ZNF682: variants seen among roughly 807,000 people sequenced by gnomAD.
ZNF682 encodes the protein zinc finger protein 682.
ZNF682 carries 29 observed loss-of-function variants against 36.5 expected under a neutral mutation model. The observed-to-expected ratio is 0.80, with a 90% CI of 0.59 to 1.08. ZNF682 has a LOEUF of 1.08. Among genes scored for constraint, ZNF682 ranks in the 50% least tolerant of loss-of-function variants. The probability of loss-of-function intolerance (pLI) is 0.00; values close to 1 mark genes in which losing one functional copy is unlikely to be tolerated. For synonymous variants in ZNF682, 180 were observed against 197.0 expected, an observed-to-expected ratio of 0.91 and a Z score of 0.72; for missense variants, 561 against 579.7, an observed-to-expected ratio of 0.97 and a Z score of 0.33.
chr19:20,011,911 C>T (rs2088291451), intron 3 of ZNF682, among the ~76,000 whole-genome samples: 1 of 152,032 alleles, frequency 6.6e-6, no homozygotes, highest in Non-Finnish European at 1.5e-5. Context: ...GTGGCAGGCG[C>T]CTGTAATCCT....
At chr19:20,033,980 G>C (rs1250319646) in intron 1 of ZNF682, 1 of 156,374 alleles carries the variant, frequency 6.4e-6, no homozygotes, top group Non-Finnish European at 1.5e-5. Context: ...CAGACACAAG[G>C]AACCAACAGA....
Position 20,006,209 on chromosome 19 carries a change from T to C in ZNF682, c.1293A>G (p.Gly431=). ...GGTGTGAGCACCGATTAAAGGCTTTTCCACATTCTTCACAGTTGTAGGGTT... is the reference window on the plus strand; with the variant it reads ...GGTGTGAGCACCGATTAAAGGCTTTCCCACATTCTTCACAGTTGTAGGGTT... ...GEKPYNCEEC[G]KAFNRCSHLT... Residue 431 remains glycine, a synonymous_variant, in exon 4 of 4, where the codon GGA becomes GGG. Coordinates refer to ENST00000397165, the MANE Select transcript of ZNF682 (RefSeq NM_033196.3). 1.2e-6 allele frequency: 2 copies of C among 1,613,748 alleles called. No homozygotes were observed. The highest frequency in any genetic ancestry group is 1.7e-4 in the Middle Eastern group (1 of 6,060).
intron 3 of ZNF682, among the ~76,000 whole-genome samples, chr19:20,010,970 A>C (rs1441147644): frequency 6.6e-6 from 1 of 152,010 alleles, no homozygotes; most frequent in Non-Finnish European, 1.5e-5. Flanking sequence ...TCAAAAAAGA[A>C]AAAAAAATTT....
At chr19:20,018,319 C>T (rs957497530) in intron 3 of ZNF682, among the ~76,000 whole-genome samples, 1 of 151,910 alleles carries the variant, frequency 6.6e-6, no homozygotes. Flanking sequence ...TGGTCTCGAT[C>T]TCCTGACCTC....
At chr19:20,019,104 C>T (rs774047721) in intron 3 of ZNF682, among the ~76,000 whole-genome samples, 14 of 152,050 alleles carry the variant, frequency 9.2e-5, no homozygotes, top group South Asian at 2.1e-4. Context: ...GACATCTCTC[C>T]GAAGAAGTTA....
At position 20,039,481 on chromosome 19, in the gene ZNF682, G is replaced by T; in HGVS notation, c.-136C>A. The T allele has an allele frequency of 3.3e-6, 4 of 1,229,128 alleles. No homozygotes were observed. Among genetic ancestry groups the T allele is most frequent in the Non-Finnish European group, 4.5e-6 (4 of 888,276 alleles). 76.1% of individuals were successfully genotyped at this position (1,229,128 alleles called of 1,614,324 possible). The stretch of plus-strand genomic sequence containing the variant: ...ACTAAGCAATGAAGATGGACCCTGA[G>T]CTCTGGCTGGAGCGAGACAAAGGCC... On this transcript the variant is annotated 5_prime_UTR_variant, in exon 1 of 4. Transcript: ENST00000397165.
chr19:20,038,705 C>A (rs528363436), intron 1 of ZNF682, among the ~76,000 whole-genome samples: 1 of 151,930 alleles, frequency 6.6e-6, no homozygotes, highest in South Asian at 2.1e-4. Context: ...TAAGCAACCA[C>A]AAACCTTCAA....
chr19:19,996,319 A>G (rs762514597), downstream of ZNF682, among the ~76,000 whole-genome samples: 10 of 152,256 alleles, frequency 6.6e-5, no homozygotes, highest in Non-Finnish European at 8.8e-5. Flanking sequence ...TGTTCCAGCA[A>G]TCTCAGTAAT....
chr19:20,000,936 G>A (rs2088164343), downstream of ZNF682, among the ~76,000 whole-genome samples: 1 of 152,202 alleles, frequency 6.6e-6, no homozygotes, highest in Non-Finnish European at 1.5e-5. Context: ...GCTGTGGTGA[G>A]AGCAGGCACC....
intron 2 of ZNF682, 78 bp downstream of exon 2, chr19:20,024,172 C>T: frequency 1.3e-6 from 2 of 1,546,366 alleles, no homozygotes; most frequent in African/African-American, 2.7e-5. Context: ...AAGCAGAAAT[C>T]CCCACCAAAC....
chr19:20,000,966 G>A (rs1235965547), downstream of ZNF682, among the ~76,000 whole-genome samples: 1 of 152,160 alleles, frequency 6.6e-6, no homozygotes, highest in East Asian at 1.9e-4. Context: ...CTATAGCTAG[G>A]AACCTGAGAA....
intron 3 of ZNF682, among the ~76,000 whole-genome samples, chr19:20,008,777 C>A (rs993725182): frequency 2.0e-5 from 3 of 152,122 alleles, no homozygotes; most frequent in African/African-American, 7.2e-5. Flanking sequence ...AGAAAATAAT[C>A]TCTCACACAC....
chr19:19,996,369 A>G (rs138581613), downstream of ZNF682, among the ~76,000 whole-genome samples: 99 of 152,346 alleles, frequency 6.5e-4, no homozygotes, highest in African/African-American at 2.0e-3. Context: ...TATATGAAAA[A>G]GACACTTGCA....
Position 20,005,955 on chromosome 19 carries a change from G to T in ZNF682, c.*50C>A. 1 of 1,501,634 alleles carries T rather than the reference G, an allele frequency of 6.7e-7. No individual in the cohort carries two copies. The highest frequency in any genetic ancestry group is 9.0e-7 in the Non-Finnish European group (1 of 1,115,780). The allele number at this position is 1,501,634 out of a possible 1,614,324, so 93.0% of individuals were successfully genotyped here. ...TTCAATGCCTTGAGCAAGATTTATGGAATTTGCCACATTCTTTACATTTGT... is the reference window on the plus strand; with the variant it reads ...TTCAATGCCTTGAGCAAGATTTATGTAATTTGCCACATTCTTTACATTTGT... On this transcript the variant is annotated 3_prime_UTR_variant, in exon 4 of 4. Transcript: ENST00000397165.
At chr19:20,020,985 A>G (rs964692877) in intron 3 of ZNF682, among the ~76,000 whole-genome samples, 1 of 152,184 alleles carries the variant, frequency 6.6e-6, no homozygotes, top group African/African-American at 2.4e-5. Context: ...GATCTAATGC[A>G]TAGCATCATG....
chr19:20,016,409 T>C (rs1320186548), intron 3 of ZNF682, among the ~76,000 whole-genome samples: 5 of 152,076 alleles, frequency 3.3e-5, no homozygotes, highest in Non-Finnish European at 7.4e-5. Flanking sequence ...TTTAAACATG[T>C]TCAATGAGCA....
intron 1 of ZNF682, among the ~76,000 whole-genome samples, chr19:20,037,318 A>G (rs1331405613): frequency 6.6e-6 from 1 of 152,206 alleles, no homozygotes; most frequent in Non-Finnish European, 1.5e-5. Flanking sequence ...ATTGTGTCCC[A>G]GGAGAGGCTA....
In ZNF682 at chr19:20,016,067, T is replaced by C. The variant is rs1438895479; in HGVS notation, c.226+6937A>G. On this transcript the variant is annotated intron_variant, in intron 3 of 3. Coordinates refer to ENST00000397165, the MANE Select transcript of ZNF682 (RefSeq NM_033196.3). Reference sequence around the variant, plus strand: ...GGCTCAAGCCTGTAACCCTAGCACTTTGGGAAGCTGAGGCGGGTGGATCGC... The same window carrying C: ...GGCTCAAGCCTGTAACCCTAGCACTCTGGGAAGCTGAGGCGGGTGGATCGC... Among the ~76,000 whole-genome samples, 6 of 152,216 alleles carry C rather than the reference T, an allele frequency of 3.9e-5. No individual in the cohort carries two copies. The South Asian group carries it at 8.3e-4, about 21-fold the overall frequency.
intron 3 of ZNF682, among the ~76,000 whole-genome samples, chr19:20,008,982 C>T (rs1441155347): frequency 6.6e-6 from 1 of 152,062 alleles, no homozygotes; most frequent in Non-Finnish European, 1.5e-5. Context: ...ACTGATTATA[C>T]ACAACATACA....
Sources: gnomAD v4.1 joint callset for allele counts (sites outside exome capture counted in the v4.1 genomes callset) on GRCh38, gnomAD v4.1.1 for gene constraint, MANE v1.5 for transcripts, NCBI Gene and HGNC (gene_info 2026-07-23, HGNC 2026-07-21) for gene names.